The following CCDC30 variants were observed in gnomAD, a reference collection of about 807,000 sequenced individuals.
CCDC30 encodes the protein coiled-coil domain containing 30.
A neutral mutation model predicts 100.2 loss-of-function variants in CCDC30; 70 were observed. The ratio of observed to expected loss-of-function variants is 0.70; its 90% CI spans 0.58 to 0.85. CCDC30 has a LOEUF of 0.85. CCDC30 is among the 40% of genes least tolerant of loss of function. CCDC30 has a pLI of 0.00. For synonymous variants in CCDC30, 233 were observed against 269.5 expected, an observed-to-expected ratio of 0.86 and a Z score of 1.33; for missense variants, 652 against 771.2, an observed-to-expected ratio of 0.85 and a Z score of 1.83.
At chr1:42,564,235 A>G (rs1195178194) in intron 6 of CCDC30, among the ~76,000 whole-genome samples, 2 of 152,152 alleles carry the variant, frequency 1.3e-5, no homozygotes. Context: ...CCAAATGACT[A>G]TTCTCTTATT....
At chr1:42,473,750 AACATG>A (rs1317950444) in intron 1 of CCDC30, among the ~76,000 whole-genome samples, 1 of 152,188 alleles carries the variant, frequency 6.6e-6, no homozygotes, top group East Asian at 1.9e-4. Flanking sequence ...AGAGGAACTA[AACATG>A]TATTTTTGGT....
chr1:42,560,356 T>C (rs989136943), intron 6 of CCDC30, among the ~76,000 whole-genome samples: 2 of 151,874 alleles, frequency 1.3e-5, no homozygotes, highest in African/African-American at 4.8e-5. Context: ...CCTGGAGCTG[T>C]TTTTATTGTT....
chr1:42,556,405 G>T (rs1330617429), intron 6 of CCDC30: 1 of 1,603,804 alleles, frequency 6.2e-7, no homozygotes, highest in African/African-American at 1.3e-5. Context: ...GTGGTGCCCA[G>T]GTAGGTGCTA....
chr1:42,460,681 T>C (rs75806136), upstream of CCDC30, among the ~76,000 whole-genome samples: 292 of 152,344 alleles, frequency 1.9e-3, 4 homozygotes, highest in African/African-American at 4.5e-3. Context: ...TGGTAGAGTA[T>C]GGGCTAGAAG....
At chr1:42,540,577 T>C (rs997829267) in intron 6 of CCDC30, among the ~76,000 whole-genome samples, 1 of 152,008 alleles carries the variant, frequency 6.6e-6, no homozygotes, top group Non-Finnish European at 1.5e-5. Context: ...GTACAAAGAC[T>C]TCCCATATAC....
intron 6 of CCDC30, among the ~76,000 whole-genome samples, chr1:42,562,221 T>C (rs1014888906): frequency 2.6e-5 from 4 of 151,978 alleles, no homozygotes; most frequent in Admixed American, 2.6e-4. Context: ...CAAGGCTACA[T>C]TAACCAAAAC....
chr1:42,498,693 A>T (rs962745110), intron 5 of CCDC30, 125 bp from the exon 6 acceptor site: 2 of 423,622 alleles, frequency 4.7e-6, no homozygotes, highest in African/African-American at 4.1e-5. Context: ...TATTCTGTAT[A>T]CCTATGTGTT....
At chr1:42,602,800 A>C (rs1257120040) in intron 10 of CCDC30, among the ~76,000 whole-genome samples, 1 of 152,176 alleles carries the variant, frequency 6.6e-6, no homozygotes, top group African/African-American at 2.4e-5. Context: ...TGAGGCTGGA[A>C]TTCCCTTCAT....
In CCDC30 at chr1:42,597,926, G is replaced by A. The variant is rs181444573; in HGVS notation, c.1164+8443G>A. Among the ~76,000 whole-genome samples the A allele has an allele frequency of 2.6e-3, 396 of 152,134 alleles. 1 individual carries two copies. The highest frequency in any genetic ancestry group is 0.023 in the Admixed American group (359 of 15,284). ...TAATCCCAGCACTTTGGGAGGCTGA[G>A]GCGGGAGGATCACTTAAGGCCAGGA... On this transcript the variant is annotated intron_variant, in intron 10 of 16. Coordinates refer to ENST00000668663, the Ensembl canonical transcript of CCDC30.
At chr1:42,641,208 A>G (rs576270995) in intron 12 of CCDC30, among the ~76,000 whole-genome samples, 12 of 147,292 alleles carry the variant, frequency 8.1e-5, no homozygotes, top group African/African-American at 3.0e-4. Flanking sequence ...AACTCCACAC[A>G]TGGCTTTTGT....
chr1:42,568,206 C>T (rs1255020118), intron 7 of CCDC30, among the ~76,000 whole-genome samples: 1 of 152,166 alleles, frequency 6.6e-6, no homozygotes, highest in South Asian at 2.1e-4. Flanking sequence ...CCTCCACCTC[C>T]CAGGTTCAAG....
intron 6 of CCDC30, chr1:42,556,376 G>A: frequency 6.2e-7 from 1 of 1,613,750 alleles, no homozygotes; most frequent in Non-Finnish European, 8.5e-7. Flanking sequence ...TCAGAGCTCT[G>A]GGGATAGTTC....
At chr1:42,624,303 A>T (rs1035227537) in intron 11 of CCDC30, among the ~76,000 whole-genome samples, 1 of 152,200 alleles carries the variant, frequency 6.6e-6, no homozygotes, top group Non-Finnish European at 1.5e-5. Flanking sequence ...CATCAGTTGA[A>T]ATAATCATAT....
chr1:42,535,409 C>T (rs972551488), intron 6 of CCDC30, among the ~76,000 whole-genome samples: 1 of 151,532 alleles, frequency 6.6e-6, no homozygotes, highest in Admixed American at 6.6e-5. Flanking sequence ...CTCGGGATGC[C>T]ATTGTTGGAA....
intron 1 of CCDC30, among the ~76,000 whole-genome samples, 192 bp from the exon 2 acceptor site, chr1:42,480,269 T>G (rs1310220027): frequency 6.6e-6 from 1 of 152,164 alleles, no homozygotes. Context: ...GTGCTTCATA[T>G]TTTTAGATGC....
intron 11 of CCDC30, among the ~76,000 whole-genome samples, chr1:42,627,502 G>A (rs1171411191): frequency 6.6e-6 from 1 of 152,160 alleles, no homozygotes; most frequent in East Asian, 1.9e-4. Flanking sequence ...CCAAGACCGT[G>A]GGAAAATGTC....
Position 42,537,768 on chromosome 1 carries a change from G to A in CCDC30, c.457-28528G>A, listed in dbSNP as rs139682192. 7.5e-3 allele frequency: 1,208 copies of A among 160,790 alleles called. 23 individuals carry two copies. The highest frequency in any genetic ancestry group is 0.027 in the African/African-American group (1,119 of 41,450). The allele number at this position is 160,790 out of a possible 1,614,324, so 10.0% of individuals were successfully genotyped here. A position where few individuals can be genotyped will look rare whatever the true frequency, so the allele number is the denominator to read the frequency against. On this transcript the variant is annotated intron_variant, in intron 6 of 16. Coordinates refer to ENST00000668663, the Ensembl canonical transcript of CCDC30. ...GCGGATCACCTGAGGTCAGGAGTTC[G>A]AGACCAGCCTGACCAACATGGAGAA...
At chr1:42,558,655 G>A (rs1173775421) in intron 6 of CCDC30, among the ~76,000 whole-genome samples, 1 of 152,028 alleles carries the variant, frequency 6.6e-6, no homozygotes, top group Non-Finnish European at 1.5e-5. Flanking sequence ...CAAAGTGAGG[G>A]TTCTGCTACA....
intron 4 of CCDC30, among the ~76,000 whole-genome samples, chr1:42,495,736 C>T (rs886931568): frequency 1.3e-5 from 2 of 151,826 alleles, no homozygotes; most frequent in African/African-American, 4.8e-5. Context: ...AAAATCTTCC[C>T]ATGAGGAAAA....
Sources: gnomAD v4.1 joint callset for allele counts (sites outside exome capture counted in the v4.1 genomes callset) on GRCh38, gnomAD v4.1.1 for gene constraint, MANE v1.5 for transcripts, NCBI Gene and HGNC (gene_info 2026-07-23, HGNC 2026-07-21) for gene names.